The following RGS22 variants were observed in gnomAD, a reference collection of about 807,000 sequenced individuals.
RGS22 encodes the protein regulator of G-protein signaling 22.
Under a neutral mutation model 172.9 loss-of-function variants are expected in RGS22, and 148 were observed. The observed-to-expected ratio is 0.86, with a 90% CI of 0.75 to 0.98. The LOEUF is 0.98. Ranked by LOEUF, RGS22 falls within the 50% of genes least tolerant of loss-of-function variation. The pLI is 0.00. For synonymous variants in RGS22, 458 were observed against 480.2 expected, an observed-to-expected ratio of 0.95 and a Z score of 0.60; for missense variants, 1,347 against 1,440.8, an observed-to-expected ratio of 0.93 and a Z score of 1.05.
chr8:99,961,775 C>T (rs1368169422), intron 27 of RGS22, among the ~76,000 whole-genome samples: 1 of 151,846 alleles, frequency 6.6e-6, no homozygotes, highest in Non-Finnish European at 1.5e-5. Context: ...CTAGGGTAAA[C>T]TAGAAGAGAA....
At chr8:100,096,651 G>A (rs1368451416) in intron 2 of RGS22, among the ~76,000 whole-genome samples, 12 of 146,626 alleles carry the variant, frequency 8.2e-5, no homozygotes, top group Non-Finnish European at 1.5e-4. Context: ...TCACTTAGGC[G>A]CTTAGCTAAT....
chr8:100,019,714 T>C (rs778631896), intron 14 of RGS22, among the ~76,000 whole-genome samples: 29 of 152,148 alleles, frequency 1.9e-4, no homozygotes, highest in Non-Finnish European at 4.1e-4. Context: ...TAAGTCCCTT[T>C]TTTTTAGACC....
chr8:100,006,549 T>C (rs1815738837), intron 15 of RGS22, among the ~76,000 whole-genome samples: 1 of 152,212 alleles, frequency 6.6e-6, no homozygotes, highest in South Asian at 2.1e-4. Context: ...AGACCATCAA[T>C]CATCAAATAA....
At chr8:100,048,993 A>G (rs893348546) in intron 10 of RGS22, among the ~76,000 whole-genome samples, 1 of 152,236 alleles carries the variant, frequency 6.6e-6, no homozygotes, top group East Asian at 1.9e-4. Flanking sequence ...TTCTACCACA[A>G]TAATTTTTTA....
chr8:100,083,420 T>G (rs1435031708), intron 3 of RGS22, among the ~76,000 whole-genome samples: 1 of 152,092 alleles, frequency 6.6e-6, no homozygotes, highest in Non-Finnish European at 1.5e-5. Context: ...CAGGCTGGAG[T>G]GCAGTGGCGT....
At chr8:99,992,295 T>G (rs1813838094) in intron 20 of RGS22, among the ~76,000 whole-genome samples, 1 of 152,200 alleles carries the variant, frequency 6.6e-6, no homozygotes, top group Non-Finnish European at 1.5e-5. Flanking sequence ...ACAGGCTAAA[T>G]GCCGCAATTA....
At chr8:100,093,956 C>A (rs982012262) in intron 2 of RGS22, among the ~76,000 whole-genome samples, 1 of 152,048 alleles carries the variant, frequency 6.6e-6, no homozygotes, top group African/African-American at 2.4e-5. Flanking sequence ...TCTTGAATTG[C>A]CCAATGAAAA....
At chr8:100,053,512 A>G (rs955151706) in intron 9 of RGS22, among the ~76,000 whole-genome samples, 5 of 152,192 alleles carry the variant, frequency 3.3e-5, no homozygotes, top group African/African-American at 1.2e-4. Context: ...CTATCCATAA[A>G]GGAATTTTTA....
intron 27 of RGS22, among the ~76,000 whole-genome samples, chr8:99,962,010 A>G (rs1668356701): frequency 6.6e-6 from 1 of 152,142 alleles, no homozygotes; most frequent in South Asian, 2.1e-4. Context: ...TATCCAATCA[A>G]AACTGTATAA....
intron 23 of RGS22, among the ~76,000 whole-genome samples, chr8:99,970,636 G>A (rs1811237091): frequency 6.6e-6 from 1 of 152,134 alleles, no homozygotes; most frequent in East Asian, 1.9e-4. Flanking sequence ...TAGAAGAAAT[G>A]GATAAATTCA....
chr8:99,983,001 T>C (rs1311225318), intron 21 of RGS22, among the ~76,000 whole-genome samples: 1 of 152,174 alleles, frequency 6.6e-6, no homozygotes, highest in Non-Finnish European at 1.5e-5. Flanking sequence ...TATTCCCATA[T>C]TTATGTCCAT....
chr8:100,060,402 GTATATA>G lies in RGS22; in HGVS notation c.1514+2183_1514+2188del, dbSNP rs72050805. Among the ~76,000 whole-genome samples, 30 of 102,962 alleles carry G rather than the reference GTATATA, an allele frequency of 2.9e-4. 1 individual carries two copies. Among genetic ancestry groups the G allele is most frequent in the South Asian group, 2.5e-3 (8 of 3,138 alleles). The allele number at this position is 102,962 out of a possible 152,430, so 67.5% of individuals were successfully genotyped here. A position where few individuals can be genotyped will look rare whatever the true frequency, so the allele number is the denominator to read the frequency against. ...GATAAATCTGCAACTTTAGCTACGTGTATATATATATATATATATACACACACACAC... is the reference window on the plus strand; with the variant it reads ...GATAAATCTGCAACTTTAGCTACGTGTATATATATATATACACACACACAC... On this transcript the variant is annotated intron_variant, in intron 9 of 27. Transcript: ENST00000360863.
intron 1 of RGS22, chr8:100,105,685 C>T: frequency 5.4e-6 from 3 of 559,882 alleles, no homozygotes; most frequent in Middle Eastern, 3.4e-4. Context: ...GTACAATATG[C>T]AGAATTAAGC....
chr8:100,004,817 A>G (rs1317017839), intron 16 of RGS22, among the ~76,000 whole-genome samples: 2 of 151,378 alleles, frequency 1.3e-5, no homozygotes, highest in Non-Finnish European at 3.0e-5. Flanking sequence ...TATAATATTA[A>G]AATATAATAT....
At chr8:100,052,446 C>T (rs1036536321) in intron 10 of RGS22, among the ~76,000 whole-genome samples, 12 of 151,288 alleles carry the variant, frequency 7.9e-5, no homozygotes, top group Admixed American at 5.3e-4. Flanking sequence ...GGACTACAGG[C>T]GCCCGCCACC....
chr8:100,080,444 G>A, intron 3 of RGS22, 89 bp from the exon 4 acceptor site: 1 of 850,262 alleles, frequency 1.2e-6, no homozygotes, highest in South Asian at 1.8e-5. Context: ...ATACATGCAT[G>A]CATACCTCAC....
At chr8:100,032,206 A>T (rs1401969043) in intron 14 of RGS22, among the ~76,000 whole-genome samples, 17 of 152,250 alleles carry the variant, frequency 1.1e-4, no homozygotes, top group African/African-American at 4.1e-4. Context: ...TGCCCCAATT[A>T]AAAGACACAG....
chr8:100,062,798 A>T (rs372936254), intron 8 of RGS22, 46 bp from the exon 9 acceptor site: 2 of 1,414,574 alleles, frequency 1.4e-6, no homozygotes, highest in Non-Finnish European at 1.9e-6. Flanking sequence ...CATTGGTAGA[A>T]TATTCAACTA....
intron 2 of RGS22, among the ~76,000 whole-genome samples, chr8:100,094,383 T>C (rs1188952597): frequency 1.3e-5 from 2 of 152,236 alleles, no homozygotes; most frequent in African/African-American, 2.4e-5. Context: ...TTTCTTTTTA[T>C]ACTGGCCAAT....
Sources: allele counts gnomAD v4.1 joint callset (sites outside exome capture counted in the v4.1 genomes callset), GRCh38; gene constraint gnomAD v4.1.1; transcripts MANE v1.5; gene names NCBI Gene and HGNC (gene_info 2026-07-23, HGNC 2026-07-21).